Variants in RBFOX3 observed in about 807,000 individuals in gnomAD.
RBFOX3 encodes RNA binding protein fox-1 homolog 3.
In RBFOX3, 17 loss-of-function variants were observed where a neutral mutation model predicts 48.7. The observed-to-expected ratio is 0.35, with a 90% confidence interval of 0.24 to 0.52. The LOEUF is 0.52. RBFOX3 is among the 20% of genes least tolerant of loss of function. RBFOX3 has a pLI of 0.94. For missense variants in RBFOX3, 382 were observed against 497.5 expected, an observed-to-expected ratio of 0.77 and a Z score of 2.21; for synonymous variants, 212 against 209.5, an observed-to-expected ratio of 1.01 and a Z score of -0.10.
rs550288212 is a variant in RBFOX3 at position 79,108,792 on chromosome 17, G to A, written c.223-2004C>T. ...CCAGAGGGGAAGTCACCACTTCCTG[G>A]GCTGCGCAGGGTGGTGGAGGACACA... is the stretch of plus-strand genomic sequence containing the variant. On this transcript the variant is annotated intron_variant, in intron 5 of 14. Coordinates refer to ENST00000693108, the MANE Select transcript of RBFOX3 (RefSeq NM_001350451.2). Among the ~76,000 whole-genome samples, 30 of 152,376 alleles carry A rather than the reference G, an allele frequency of 2.0e-4. No individual in the cohort carries two copies. The South Asian group carries it at 6.2e-3, about 32-fold the overall frequency.
At chr17:79,137,877 G>A (rs2040623335) in intron 4 of RBFOX3, among the ~76,000 whole-genome samples, 1 of 152,194 alleles carries the variant, frequency 6.6e-6, no homozygotes, top group Non-Finnish European at 1.5e-5. Context: ...AATTGAGGGA[G>A]CCGCGGCCCG....
chr17:79,328,500 A>G (rs886771294), intron 2 of RBFOX3, among the ~76,000 whole-genome samples: 7 of 152,138 alleles, frequency 4.6e-5, no homozygotes, highest in African/African-American at 1.7e-4. Context: ...TCATCACTGT[A>G]TTTCATTTTA....
chr17:79,282,635 G>T (rs1187829010), intron 3 of RBFOX3, among the ~76,000 whole-genome samples: 1 of 152,224 alleles, frequency 6.6e-6, no homozygotes, highest in Non-Finnish European at 1.5e-5. Flanking sequence ...ACCCAGAAGG[G>T]GTCCTGGAGG....
intron 3 of RBFOX3, among the ~76,000 whole-genome samples, chr17:79,303,199 C>T (rs1211705498): frequency 6.6e-6 from 1 of 152,148 alleles, no homozygotes; most frequent in Non-Finnish European, 1.5e-5. Flanking sequence ...CAGAACAAGA[C>T]CTTGTCTCAA....
chr17:79,188,109 C>T (rs1333796353), intron 4 of RBFOX3, among the ~76,000 whole-genome samples: 12 of 152,348 alleles, frequency 7.9e-5, no homozygotes, highest in East Asian at 7.7e-4. Context: ...GATGAGCCGT[C>T]GGTGCAGCCC....
chr17:79,414,038 G>A (rs910644290), intron 2 of RBFOX3, among the ~76,000 whole-genome samples: 1 of 152,042 alleles, frequency 6.6e-6, no homozygotes, highest in African/African-American at 2.4e-5. Context: ...GCTGGGTTTG[G>A]GCAGCTGGAA....
intron 1 of RBFOX3, among the ~76,000 whole-genome samples, chr17:79,588,662 T>C (rs888700342): frequency 6.6e-6 from 1 of 152,184 alleles, no homozygotes; most frequent in Middle Eastern, 3.2e-3. Flanking sequence ...AGACCTGTCC[T>C]GAGCTTGGAC....
intron 2 of RBFOX3, among the ~76,000 whole-genome samples, chr17:79,373,055 C>G (rs567569266): frequency 6.6e-6 from 1 of 152,164 alleles, no homozygotes; most frequent in Non-Finnish European, 1.5e-5. Flanking sequence ...AGGAAGCTCA[C>G]GTCGCCTCTC....
intron 4 of RBFOX3, among the ~76,000 whole-genome samples, chr17:79,216,737 G>A (rs2059107218): frequency 6.6e-6 from 1 of 152,158 alleles, no homozygotes; most frequent in Non-Finnish European, 1.5e-5. Context: ...CACAGAACAC[G>A]CAAACAGTAA....
intron 7 of RBFOX3, 22 bp downstream of exon 7, chr17:79,104,051 G>A (rs1208767263): frequency 5.2e-6 from 8 of 1,547,598 alleles, no homozygotes; most frequent in Middle Eastern, 1.7e-4. Flanking sequence ...GCTGTAAGGC[G>A]GCAGCTCCGT....
chr17:79,660,537 TG>T, the RBFOX3 span, among the ~76,000 whole-genome samples: 2 of 152,136 alleles, frequency 1.3e-5, no homozygotes, highest in Non-Finnish European at 2.9e-5. Context: ...AAGAAGCATA[TG>T]AAAAAAAGCT....
intron 2 of RBFOX3, among the ~76,000 whole-genome samples, chr17:79,366,606 A>T (rs2057785807): frequency 6.6e-6 from 1 of 152,262 alleles, no homozygotes; most frequent in Non-Finnish European, 1.5e-5. Context: ...GCAGTGCCTT[A>T]TTGACCCTTC....
rs948146597 is a variant in RBFOX3, at chr17:79,199,789, C to A, written c.-34+35977G>T. Among the ~76,000 whole-genome samples the A allele has an allele frequency of 6.6e-6, 1 of 152,178 alleles. No homozygotes were observed. The highest frequency in any genetic ancestry group is 1.5e-5 in the Non-Finnish European group (1 of 68,028). On this transcript the variant is annotated intron_variant, in intron 4 of 14. Coordinates refer to ENST00000693108, the MANE Select transcript of RBFOX3 (RefSeq NM_001350451.2). The surrounding 1 kb of genome is among the most constrained non-coding windows in gnomAD (Gnocchi z 5.1). ...CACGCTGAACAAACCCACCCTGATG[C>A]TCCAGTCTGTCAGGAGAGTGTCTAT...
At chr17:79,592,003 AGT>A (rs1443884440) in intron 1 of RBFOX3, among the ~76,000 whole-genome samples, 1 of 147,464 alleles carries the variant, frequency 6.8e-6, no homozygotes, top group Non-Finnish European at 1.5e-5. Context: ...GTGTGTGTGG[AGT>A]GTGGAGTATT....
chr17:79,447,271 A>C (rs7216635), intron 2 of RBFOX3, among the ~76,000 whole-genome samples: 87,328 of 151,962 alleles, frequency 0.57, 25,613 homozygotes, highest in Middle Eastern at 0.64. Flanking sequence ...ACCTTCTGAG[A>C]GGCCCATGAG....
chr17:79,388,240 G>C (rs1486908766), intron 2 of RBFOX3, among the ~76,000 whole-genome samples: 1 of 152,216 alleles, frequency 6.6e-6, no homozygotes, highest in East Asian at 1.9e-4. Context: ...TGACTGGGGT[G>C]GGGGCTCTAT....
At chr17:79,315,055 C>A (rs1036676311) in intron 2 of RBFOX3, among the ~76,000 whole-genome samples, 1 of 152,036 alleles carries the variant, frequency 6.6e-6, no homozygotes. Context: ...ATTGATGGCC[C>A]GCTGCAGGAG....
At chr17:79,217,587 G>C (rs1381963256) in intron 4 of RBFOX3, among the ~76,000 whole-genome samples, 1 of 152,132 alleles carries the variant, frequency 6.6e-6, no homozygotes, top group Admixed American at 6.5e-5. Flanking sequence ...ATGGGTAACA[G>C]GAGCACCCAA....
chr17:79,552,994 C>T (rs1208627128), intron 1 of RBFOX3, among the ~76,000 whole-genome samples: 1 of 152,142 alleles, frequency 6.6e-6, no homozygotes, highest in Non-Finnish European at 1.5e-5. Context: ...TTATTCTTCT[C>T]ATTTCTTTTC....
Sources: gnomAD v4.1 joint callset for allele counts (sites outside exome capture counted in the v4.1 genomes callset) on GRCh38, gnomAD v4.1.1 for gene constraint, Gnocchi (gnomAD v3.1) non-coding constraint, MANE v1.5 for transcripts, NCBI Gene and HGNC (gene_info 2026-07-23, HGNC 2026-07-21) for gene names.